SFXN5: variants seen among roughly 807,000 people sequenced by gnomAD.
SFXN5 encodes the protein sideroflexin 5.
In SFXN5, 43 loss-of-function variants were observed where a neutral mutation model predicts 50.2. The ratio of observed to expected loss-of-function variants is 0.86; its 90% CI spans 0.67 to 1.11. The LOEUF is 1.11. Ranked by LOEUF, SFXN5 falls within the 50% of genes least tolerant of loss-of-function variation. SFXN5 has a pLI of 0.00. For missense variants in SFXN5, 463 were observed against 454.1 expected (o/e 1.02, Z -0.18); for synonymous variants, 203 against 185.8 (o/e 1.09, Z -0.75).
In SFXN5 at chr2:72,998,994, G is replaced by A; in HGVS notation, c.489C>T (p.Phe163=). 1 of 1,614,182 alleles carries A rather than the reference G, an allele frequency of 6.2e-7. No homozygotes were observed. Residue 163 remains phenylalanine, a synonymous_variant, in exon 9 of 14, where the codon TTC becomes TTT. Coordinates refer to ENST00000272433, the MANE Select transcript of SFXN5 (RefSeq NM_144579.3). ...TGACAGCTCCCAGGTATCCCTGGAT[G>A]AACTTGGATGCAGGTGAAGGCTGGA... ...NATKPSPASK[F]IQGYLGAVIS...
chr2:72,989,934 G>A (rs1047431594), intron 9 of SFXN5, among the ~76,000 whole-genome samples: 1 of 152,236 alleles, frequency 6.6e-6, no homozygotes, highest in African/African-American at 2.4e-5. Context: ...GGTCTGGCAC[G>A]CCTGGCGGCT....
intron 1 of SFXN5, among the ~76,000 whole-genome samples, chr2:73,070,200 G>A (rs1362494437): frequency 1.3e-5 from 2 of 152,202 alleles, no homozygotes; most frequent in South Asian, 4.1e-4. Context: ...AGTCCAGGCA[G>A]GGACACCCCG....
At chr2:72,959,998 G>C (rs971198663) in intron 13 of SFXN5, among the ~76,000 whole-genome samples, 2 of 152,054 alleles carry the variant, frequency 1.3e-5, no homozygotes, top group African/African-American at 4.8e-5. Context: ...GACCTCTCAG[G>C]AGGGTCTGAC....
At chr2:72,962,491 T>C (rs2105390951) in intron 12 of SFXN5, among the ~76,000 whole-genome samples, 1 of 152,298 alleles carries the variant, frequency 6.6e-6, no homozygotes, top group Non-Finnish European at 1.5e-5. Context: ...AAAATGCAAA[T>C]GCCCAAGGGT....
In SFXN5 at chr2:72,953,088, C is replaced by T. The variant is rs1006523844; in HGVS notation, c.946-7989G>A. ...GCATGTGTACATGTTCTTGCGTGCA[C>T]GTGTATGTGTGCGAGCCTGTGTGCA... On this transcript the variant is annotated intron_variant, in intron 13 of 13. Transcript: ENST00000272433. This position sits in a 1 kb window ranked among gnomAD's most constrained non-coding sequence, Gnocchi z 4.1. Among the ~76,000 whole-genome samples the T allele has an allele frequency of 1.9e-4, 29 of 152,102 alleles. No individual in the cohort carries two copies. The highest frequency in any genetic ancestry group is 6.3e-4 in the African/African-American group (26 of 41,404).
In SFXN5 at chr2:73,030,370, C is replaced by T. The variant is rs1265850450; in HGVS notation, c.250-7156G>A. Reference sequence around the variant, plus strand: ...TGAAAAATATATATGTATATATATACACATATATTTGTTGTTGTTGTTGTA... The same window carrying T: ...TGAAAAATATATATGTATATATATATACATATATTTGTTGTTGTTGTTGTA... On this transcript the variant is annotated intron_variant, in intron 3 of 13. Coordinates refer to ENST00000272433, the MANE Select transcript of SFXN5 (RefSeq NM_144579.3). Among the ~76,000 whole-genome samples, 9 of 152,178 alleles carry T rather than the reference C, an allele frequency of 5.9e-5. No individual in the cohort carries two copies. In the South Asian group the frequency reaches 1.7e-3, roughly 28 times the overall value.
intron 1 of SFXN5, chr2:73,059,839 C>G (rs1348403797): frequency 1.0e-6 from 1 of 964,624 alleles, no homozygotes; most frequent in African/African-American, 1.9e-5. Flanking sequence ...AGAATGTAGT[C>G]TAAGGAAACA....
intron 6 of SFXN5, chr2:73,019,996 G>T: frequency 2.1e-6 from 1 of 476,258 alleles, no homozygotes; most frequent in Non-Finnish European, 3.7e-6. Flanking sequence ...AAAACGTGCA[G>T]GGAAGAAGGC....
intron 6 of SFXN5, among the ~76,000 whole-genome samples, chr2:73,013,918 G>A (rs1474816609): frequency 4.9e-4 from 75 of 151,990 alleles, no homozygotes; most frequent in Admixed American, 4.8e-3. Flanking sequence ...TGTTCCCATG[G>A]ATGTTTTTAA....
intron 11 of SFXN5, among the ~76,000 whole-genome samples, chr2:72,970,282 G>C (rs1674993662): frequency 6.6e-6 from 1 of 152,234 alleles, no homozygotes; most frequent in Non-Finnish European, 1.5e-5. Context: ...GTCAGCCTCA[G>C]GAAGGCCTGG....
intron 7 of SFXN5, among the ~76,000 whole-genome samples, chr2:73,001,235 C>A (rs1479160458): frequency 2.0e-5 from 3 of 152,224 alleles, no homozygotes; most frequent in African/African-American, 7.2e-5. Flanking sequence ...GTGGGGGCCA[C>A]CCCACTGACA....
chr2:72,951,040 G>A (rs1050763834), intron 13 of SFXN5, among the ~76,000 whole-genome samples: 4 of 151,812 alleles, frequency 2.6e-5, no homozygotes, highest in African/African-American at 9.7e-5. Context: ...AGGGGCTCCC[G>A]AGGGAGGGGG....
chr2:72,953,549 G>C lies in SFXN5; in HGVS notation c.945+7582C>G, dbSNP rs1672763506. The stretch of plus-strand genomic sequence containing the variant: ...CCCAGATGAGCCACGCTCTGTACTA[G>C]GTGTTGATAAAGGGCACCAGTTCTC... On this transcript the variant is annotated intron_variant, in intron 13 of 13. Coordinates refer to ENST00000272433, the MANE Select transcript of SFXN5 (RefSeq NM_144579.3). This position sits in a 1 kb window ranked among gnomAD's most constrained non-coding sequence, Gnocchi z 4.1. Among the ~76,000 whole-genome samples the C allele has an allele frequency of 1.3e-5, 2 of 152,132 alleles. No homozygotes were observed. The highest frequency in any genetic ancestry group is 6.5e-5 in the Admixed American group (1 of 15,282).
chr2:73,045,688 C>G (rs1680232858), intron 2 of SFXN5, among the ~76,000 whole-genome samples: 1 of 152,050 alleles, frequency 6.6e-6, no homozygotes, highest in South Asian at 2.1e-4. Context: ...CTTACCACAG[C>G]TTGACCATTA....
chr2:73,023,909 A>G (rs1401734835), intron 3 of SFXN5, among the ~76,000 whole-genome samples: 1 of 152,184 alleles, frequency 6.6e-6, no homozygotes, highest in Non-Finnish European at 1.5e-5. Flanking sequence ...GGAGAAACGG[A>G]GTAACTTGTC....
At chr2:72,978,289 T>C (rs1328847868) in intron 10 of SFXN5, among the ~76,000 whole-genome samples, 3 of 150,716 alleles carry the variant, frequency 2.0e-5, no homozygotes, top group African/African-American at 4.8e-5. Context: ...TTCTTTCTTT[T>C]TTTTTTTTTT....
At chr2:72,979,976 C>A (rs1329255002) in intron 10 of SFXN5, among the ~76,000 whole-genome samples, 1 of 152,088 alleles carries the variant, frequency 6.6e-6, no homozygotes, top group Non-Finnish European at 1.5e-5. Context: ...GAAATAGAGC[C>A]ATTTTCATTA....
intron 6 of SFXN5, among the ~76,000 whole-genome samples, chr2:73,013,637 C>T (rs934585894): frequency 4.6e-5 from 7 of 151,882 alleles, no homozygotes; most frequent in South Asian, 2.1e-4. Flanking sequence ...TTCAGGGCAA[C>T]GACATAAAAA....
intron 6 of SFXN5, among the ~76,000 whole-genome samples, chr2:73,017,944 C>T (rs549735472): frequency 7.2e-5 from 11 of 152,154 alleles, no homozygotes; most frequent in Admixed American, 1.3e-4. Flanking sequence ...GACAAATCTA[C>T]TGTAATCTCA....
Sources: allele counts gnomAD v4.1 joint callset (sites outside exome capture counted in the v4.1 genomes callset), GRCh38; gene constraint gnomAD v4.1.1; non-coding constraint Gnocchi (gnomAD v3.1); transcripts MANE v1.5; gene names NCBI Gene and HGNC (gene_info 2026-07-23, HGNC 2026-07-21).